Variants in ADAMTS20 observed in about 807,000 individuals in gnomAD.
ADAMTS20 encodes the protein A disintegrin and metalloproteinase with thrombospondin motifs 20.
A neutral mutation model predicts 260.1 loss-of-function variants in ADAMTS20; 225 were observed. That is an observed-to-expected ratio of 0.87 (90% CI 0.78 to 0.97). The LOEUF (loss-of-function observed/expected upper bound fraction) is 0.97. Ranked by LOEUF, ADAMTS20 falls within the 50% of genes least tolerant of loss-of-function variation. ADAMTS20 has a pLI of 0.00. For synonymous variants in ADAMTS20, 802 were observed against 769.5 expected (o/e 1.04, Z -0.70); for missense variants, 2,400 against 2,337.7 (o/e 1.03, Z -0.55).
intron 23 of ADAMTS20, 79 bp downstream of exon 23, chr12:43,430,273 A>C: frequency 6.8e-7 from 1 of 1,462,438 alleles, no homozygotes. Flanking sequence ...GAAAAAAATA[A>C]GTAAAGAAAT....
intron 37 of ADAMTS20, among the ~76,000 whole-genome samples, chr12:43,364,686 A>G (rs915583703): frequency 6.6e-6 from 1 of 152,126 alleles, no homozygotes; most frequent in Non-Finnish European, 1.5e-5. Flanking sequence ...AGAGGAAAAA[A>G]GAAGAAGAAA....
At position 43,356,483 on chromosome 12, in the gene ADAMTS20, C is replaced by A; in HGVS notation, c.5643+1G>T. On this transcript the variant is annotated splice_donor_variant, in intron 38 of 38. Transcript: ENST00000389420. LOFTEE classifies it high-confidence loss of function. ...AGGCTTTTTGGTCCCGCAGGACTTA[C>A]CTCTGATCTTCGTATGCTGACAGAG... is the stretch of plus-strand genomic sequence containing the variant. 1 of 1,598,524 alleles carries A rather than the reference C, an allele frequency of 6.3e-7. No individual in the cohort carries two copies.
intron 31 of ADAMTS20, among the ~76,000 whole-genome samples, chr12:43,378,720 A>T (rs919655273): frequency 1.3e-5 from 2 of 152,234 alleles, no homozygotes; most frequent in African/African-American, 4.8e-5. Context: ...AACCTGGAAA[A>T]TAAGACTCAT....
At chr12:43,433,739 CACAA>C (rs770054677) in intron 19 of ADAMTS20, 2 of 397,020 alleles carry the variant, frequency 5.0e-6, no homozygotes, top group Non-Finnish European at 9.8e-6. Flanking sequence ...CACACACACA[CACAA>C]ACCAAATAAC....
Position 43,441,540 on chromosome 12 carries a change from T to C in ADAMTS20, c.2291-1471A>G, listed in dbSNP as rs548753464. On this transcript the variant is annotated intron_variant, in intron 16 of 38. Coordinates refer to ENST00000389420, the MANE Select transcript of ADAMTS20 (RefSeq NM_025003.5). ...AGTTTCCTAAACTGCATAATAGAAATAATAAACATTTCTATTTCAGTCTTT... is the reference window on the plus strand; with the variant it reads ...AGTTTCCTAAACTGCATAATAGAAACAATAAACATTTCTATTTCAGTCTTT... Among the ~76,000 whole-genome samples, 8 of 152,208 alleles carry C rather than the reference T, an allele frequency of 5.3e-5. No individual in the cohort carries two copies. In the South Asian group the frequency reaches 1.7e-3, roughly 32 times the overall value.
At chr12:43,441,696 A>G (rs1941669020) in intron 16 of ADAMTS20, among the ~76,000 whole-genome samples, 1 of 152,194 alleles carries the variant, frequency 6.6e-6, no homozygotes, top group Non-Finnish European at 1.5e-5. Context: ...TATTAATCAA[A>G]TACTTTTTTG....
At chr12:43,454,217 A>G (rs1941924287) in intron 11 of ADAMTS20, among the ~76,000 whole-genome samples, 165 bp from the exon 12 acceptor site, 1 of 152,236 alleles carries the variant, frequency 6.6e-6, no homozygotes, top group Admixed American at 6.5e-5. Context: ...AATATTTCCT[A>G]CCTACTAAGA....
chr12:43,422,622 C>A (rs1005376266), intron 28 of ADAMTS20, among the ~76,000 whole-genome samples: 11 of 151,852 alleles, frequency 7.2e-5, no homozygotes, highest in African/African-American at 2.4e-4. Flanking sequence ...TCTATACAAA[C>A]CTTTATTGTG....
intron 28 of ADAMTS20, among the ~76,000 whole-genome samples, chr12:43,419,979 T>C (rs1941197942): frequency 1.3e-5 from 2 of 152,204 alleles, no homozygotes; most frequent in Non-Finnish European, 2.9e-5. Context: ...AATATTATTC[T>C]TTTATGGTAG....
chr12:43,486,083 A>G (rs955476948), intron 7 of ADAMTS20, among the ~76,000 whole-genome samples: 1 of 152,162 alleles, frequency 6.6e-6, no homozygotes, highest in Non-Finnish European at 1.5e-5. Flanking sequence ...CAACAATTAT[A>G]AAATTCATAT....
At chr12:43,384,854 T>C (rs1240290390) in intron 29 of ADAMTS20, among the ~76,000 whole-genome samples, 1 of 152,156 alleles carries the variant, frequency 6.6e-6, no homozygotes, top group Non-Finnish European at 1.5e-5. Context: ...TCCAGTCTAT[T>C]CTTGATGGGC....
Position 43,430,249 on chromosome 12 carries a change from T to A in ADAMTS20, c.3381+103A>T, listed in dbSNP as rs1410783447. On this transcript the variant is annotated intron_variant, in intron 23 of 38. Transcript: ENST00000389420. ...CTCACACATACACGTGTTTAAGGCA[T>A]ACAAGTTTAAGTGGAAAAAAATAAG... 6 of 1,378,186 alleles carry A rather than the reference T, an allele frequency of 4.4e-6. No homozygotes were observed. In the South Asian group the frequency reaches 8.4e-5, roughly 19 times the overall value. 85.4% of individuals were successfully genotyped at this position (1,378,186 alleles called of 1,614,324 possible).
chr12:43,447,679 T>C (rs370025466), intron 14 of ADAMTS20, among the ~76,000 whole-genome samples: 1 of 152,012 alleles, frequency 6.6e-6, no homozygotes, highest in Non-Finnish European at 1.5e-5. Flanking sequence ...GGCATCCAAA[T>C]AGAAAAAGAG....
chr12:43,505,823 C>T (rs1942833195), intron 3 of ADAMTS20, among the ~76,000 whole-genome samples: 1 of 152,154 alleles, frequency 6.6e-6, no homozygotes. Flanking sequence ...AAAGCAGGGT[C>T]TTGAAGAGCT....
intron 3 of ADAMTS20, among the ~76,000 whole-genome samples, chr12:43,523,331 G>A (rs1038303213): frequency 6.6e-5 from 10 of 152,196 alleles, no homozygotes; most frequent in African/African-American, 1.9e-4. Flanking sequence ...TCCTTATTTT[G>A]TCTCACAGGG....
intron 16 of ADAMTS20, among the ~76,000 whole-genome samples, chr12:43,442,613 T>C (rs570288929): frequency 3.3e-5 from 5 of 152,210 alleles, no homozygotes; most frequent in East Asian, 1.9e-4. Context: ...CAGAAAGATA[T>C]ATTTGTCTAC....
chr12:43,413,603 C>A (rs1941073911), intron 28 of ADAMTS20, among the ~76,000 whole-genome samples: 1 of 152,066 alleles, frequency 6.6e-6, no homozygotes, highest in South Asian at 2.1e-4. Context: ...ATGTGACAAT[C>A]ATGTTTAAGT....
At chr12:43,387,298 G>A (rs571594159) in intron 29 of ADAMTS20, among the ~76,000 whole-genome samples, 1 of 152,154 alleles carries the variant, frequency 6.6e-6, no homozygotes, top group African/African-American at 2.4e-5. Flanking sequence ...GAGCCTGCTT[G>A]CCTGGGTATC....
chr12:43,486,298 G>C (rs1419127218), intron 7 of ADAMTS20, among the ~76,000 whole-genome samples: 2 of 151,950 alleles, frequency 1.3e-5, no homozygotes, highest in African/African-American at 4.8e-5. Context: ...ACTGATTTTT[G>C]ACAAAGCATA....
Sources: gnomAD v4.1 joint callset for allele counts (sites outside exome capture counted in the v4.1 genomes callset) on GRCh38, gnomAD v4.1.1 for gene constraint, MANE v1.5 for transcripts, NCBI Gene and HGNC (gene_info 2026-07-23, HGNC 2026-07-21) for gene names.